The following CFAP70 variants were observed in gnomAD, a reference collection of about 807,000 sequenced individuals.
CFAP70 encodes the protein cilia and flagella associated protein 70.
CFAP70 carries 81 observed loss-of-function variants against 137.6 expected under a neutral mutation model. The ratio of observed to expected loss-of-function variants is 0.59; its 90% confidence interval spans 0.49 to 0.71. The LOEUF is 0.71. Ranked by LOEUF, CFAP70 falls within the 30% of genes least tolerant of loss-of-function variation. The pLI is 0.00. For missense variants in CFAP70, 976 were observed against 1,226.7 expected (o/e 0.80, Z 3.05); for synonymous variants, 382 against 423.6 (o/e 0.90, Z 1.20).
chr10:73,273,509 G>A (rs1428809356), intron 23 of CFAP70, among the ~76,000 whole-genome samples: 3 of 152,158 alleles, frequency 2.0e-5, no homozygotes, highest in Non-Finnish European at 4.4e-5. Flanking sequence ...TAGCCCTGAA[G>A]GGACAATTTC....
chr10:73,334,311 T>G (rs1476123989), intron 7 of CFAP70, among the ~76,000 whole-genome samples: 1 of 152,194 alleles, frequency 6.6e-6, no homozygotes, highest in Non-Finnish European at 1.5e-5. Flanking sequence ...GGTTGGCTAA[T>G]GAGACATAAA....
intron 9 of CFAP70, among the ~76,000 whole-genome samples, chr10:73,320,609 G>A (rs2050763416): frequency 6.6e-6 from 1 of 151,950 alleles, no homozygotes; most frequent in South Asian, 2.1e-4. Flanking sequence ...GATTACAGGT[G>A]TGAGCCACCA....
At chr10:73,331,961 C>G (rs1362458067) in intron 7 of CFAP70, among the ~76,000 whole-genome samples, 2 of 152,112 alleles carry the variant, frequency 1.3e-5, no homozygotes, top group Non-Finnish European at 2.9e-5. Context: ...TCCAATACAG[C>G]TTTGAAGTAA....
intron 19 of CFAP70, among the ~76,000 whole-genome samples, chr10:73,280,640 T>C (rs771904539): frequency 6.6e-6 from 1 of 152,180 alleles, no homozygotes; most frequent in Non-Finnish European, 1.5e-5. Context: ...CCTGAGTACA[T>C]TTTGTTAGTT....
At chr10:73,329,173 A>C (rs929550664) in intron 8 of CFAP70, among the ~76,000 whole-genome samples, 1 of 152,226 alleles carries the variant, frequency 6.6e-6, no homozygotes, top group African/African-American at 2.4e-5. Context: ...AAAAATGATG[A>C]GTTCATGTCC....
intron 7 of CFAP70, among the ~76,000 whole-genome samples, chr10:73,333,017 G>C (rs1342945177): frequency 1.3e-5 from 2 of 152,124 alleles, no homozygotes; most frequent in Non-Finnish European, 2.9e-5. Context: ...GACTCTTACA[G>C]AAAAAGTAGG....
At chr10:73,257,372 C>G (rs7074525) in intron 25 of CFAP70, among the ~76,000 whole-genome samples, 6,916 of 152,210 alleles carry the variant, frequency 0.045, 477 homozygotes, top group African/African-American at 0.15. Flanking sequence ...CTACTCCCCA[C>G]CAGTTTATAT....
chr10:73,332,970 C>G (rs745342214), intron 7 of CFAP70, among the ~76,000 whole-genome samples: 2 of 152,060 alleles, frequency 1.3e-5, no homozygotes, highest in Non-Finnish European at 2.9e-5. Context: ...TTGGAATTAT[C>G]AGATAGGAAA....
upstream of CFAP70, among the ~76,000 whole-genome samples, chr10:73,359,552 T>C (rs560911310): frequency 6.6e-6 from 1 of 152,124 alleles, no homozygotes; most frequent in East Asian, 1.9e-4. Flanking sequence ...TTGAATAAAA[T>C]AGGAATATGC....
chr10:73,322,384 T>C (rs1399523162), intron 9 of CFAP70, among the ~76,000 whole-genome samples: 1 of 152,118 alleles, frequency 6.6e-6, no homozygotes, highest in African/African-American at 2.4e-5. Flanking sequence ...TTATATAAAA[T>C]GTACTTTTCA....
intron 12 of CFAP70, among the ~76,000 whole-genome samples, chr10:73,302,687 T>C (rs1039427416): frequency 6.6e-6 from 1 of 152,212 alleles, no homozygotes; most frequent in African/African-American, 2.4e-5. Flanking sequence ...AGCATAGTTT[T>C]AATGTGCATT....
chr10:73,348,507 C>T, exon 4 of CFAP70: 1 of 1,516,814 alleles, frequency 6.6e-7, no homozygotes, highest in African/African-American at 1.4e-5. Context: ...TTTGGTAAAA[C>T]TTCAGTCACA....
At chr10:73,253,990 TCCA>T in exon 27 of CFAP70, 11 of 1,605,332 alleles carry the variant, frequency 6.9e-6, no homozygotes, top group Non-Finnish European at 9.4e-6. Context: ...AAGATGGATT[TCCA>T]AAGCCAACTG....
chr10:73,350,474 T>C (rs565686261), intron 3 of CFAP70, among the ~76,000 whole-genome samples: 10 of 152,218 alleles, frequency 6.6e-5, no homozygotes, highest in Admixed American at 1.3e-4. Flanking sequence ...TCCTTTCATA[T>C]GTTTTGTATA....
Position 73,291,457 on chromosome 10 carries a change from A to T in CFAP70, c.2021-13T>A, listed in dbSNP as rs1203598100. 1 of 1,606,134 alleles carries T rather than the reference A, an allele frequency of 6.2e-7. No homozygotes were observed. The highest frequency in any genetic ancestry group is 8.5e-7 in the Non-Finnish European group (1 of 1,172,826). The stretch of plus-strand genomic sequence containing the variant: ...TCATAGTACAAACCTGGGGAAAGAA[A>T]AATGTTGAAATACATATGACTATTT... On this transcript the variant is annotated splice_polypyrimidine_tract_variant and intron_variant, in intron 18 of 26. Transcript: ENST00000310715.
rs1437798013 is a variant in CFAP70 at position 73,259,671 on chromosome 10, A to G, written c.3028-3255T>C. Among the ~76,000 whole-genome samples the G allele has an allele frequency of 3.3e-5, 5 of 152,214 alleles. No individual in the cohort carries two copies. In the East Asian group the frequency reaches 9.6e-4, roughly 29 times the overall value. On this transcript the variant is annotated intron_variant, in intron 25 of 26. Transcript: ENST00000310715. ...TATTGGCAGAATTTATAACTAATAG[A>G]GGATTAGCATCCAGGTTATATAAGT...
chr10:73,321,621 G>A (rs2050857672), intron 9 of CFAP70, among the ~76,000 whole-genome samples: 1 of 151,572 alleles, frequency 6.6e-6, no homozygotes, highest in South Asian at 2.1e-4. Flanking sequence ...TTTTCTCCTA[G>A]GAAGCAACAT....
Position 73,290,870 on chromosome 10 carries a change from T to C in CFAP70, c.2239+356A>G, listed in dbSNP as rs150049911. On this transcript the variant is annotated intron_variant, in intron 19 of 26. Coordinates refer to ENST00000310715, the Ensembl canonical transcript of CFAP70. ...AGTAGAAGTTTCAGACCACTAATCATATGAATGAGGAAATATTTAGAAGTT... is the reference window on the plus strand; with the variant it reads ...AGTAGAAGTTTCAGACCACTAATCACATGAATGAGGAAATATTTAGAAGTT... 1.8e-4 allele frequency among the ~76,000 whole-genome samples: 28 copies of C among 152,322 alleles called. 1 individual carries two copies. Among genetic ancestry groups the C allele is most frequent in the African/African-American group, 6.5e-4 (27 of 41,560 alleles).
intron 19 of CFAP70, among the ~76,000 whole-genome samples, chr10:73,286,994 C>T (rs1287228957): frequency 6.6e-6 from 1 of 152,156 alleles, no homozygotes; most frequent in Non-Finnish European, 1.5e-5. Context: ...CTTGGGTGGG[C>T]CAGGTGTTTC....
Sources: allele counts gnomAD v4.1 joint callset (sites outside exome capture counted in the v4.1 genomes callset), GRCh38; gene constraint gnomAD v4.1.1; transcripts MANE v1.5; gene names NCBI Gene and HGNC (gene_info 2026-07-23, HGNC 2026-07-21).